PDE10A: variants seen among roughly 807,000 people sequenced by gnomAD.
PDE10A encodes cAMP and cAMP-inhibited cGMP 3',5'-cyclic phosphodiesterase 10A.
PDE10A carries 39 observed loss-of-function variants against 97.7 expected under a neutral mutation model. The observed-to-expected ratio is 0.40, with a 90% CI of 0.31 to 0.52. The LOEUF is 0.52. Ranked by LOEUF, PDE10A falls within the 20% of genes least tolerant of loss-of-function variation. The pLI is 0.56. For synonymous variants in PDE10A, 371 were observed against 376.8 expected, an observed-to-expected ratio of 0.98 and a Z score of 0.18; for missense variants, 731 against 1,047.8, an observed-to-expected ratio of 0.70 and a Z score of 4.17.
At position 165,864,645 on chromosome 6, in the gene PDE10A, G is replaced by A. The variant is rs564899002; in HGVS notation, c.-615+122884C>T. Among the ~76,000 whole-genome samples the A allele has an allele frequency of 7.2e-5, 11 of 152,202 alleles. No individual in the cohort carries two copies. In the Middle Eastern group the frequency reaches 0.01, roughly 141 times the overall value. On this transcript the variant is annotated intron_variant, in intron 1 of 19. Transcript: ENST00000366882. Reference sequence around the variant, plus strand: ...GAGTGAACCCCTCTTCACCTTCCTCGAAAGCTATTTGGCAAATCCCATCAA... The same window carrying A: ...GAGTGAACCCCTCTTCACCTTCCTCAAAAGCTATTTGGCAAATCCCATCAA...
chr6:165,794,135 T>C (rs201979467), intron 1 of PDE10A, among the ~76,000 whole-genome samples: 2 of 144,434 alleles, frequency 1.4e-5, no homozygotes, highest in Non-Finnish European at 3.1e-5. Context: ...ACACACACGC[T>C]CACACTCACT....
intron 2 of PDE10A, among the ~76,000 whole-genome samples, chr6:165,501,720 C>T (rs1453587389): frequency 6.6e-6 from 1 of 152,132 alleles, no homozygotes; most frequent in Non-Finnish European, 1.5e-5. Context: ...GAATTGTTAC[C>T]AATTTTCCCC....
chr6:165,621,824 C>A (rs778638045), intron 1 of PDE10A, among the ~76,000 whole-genome samples: 3 of 151,660 alleles, frequency 2.0e-5, no homozygotes, highest in African/African-American at 7.3e-5. Context: ...ATCCTTGGAA[C>A]AAAAGTTTCT....
At chr6:165,422,436 TACACACATACGCATATACACACACAGGC>T in intron 10 of PDE10A, among the ~76,000 whole-genome samples, 1 of 141,800 alleles carries the variant, frequency 7.1e-6, no homozygotes, top group South Asian at 2.3e-4. Context: ...CACATACGCA[TACACACATACGCATATACACACACAGGC>T]ATACACACAT....
At chr6:165,356,963 C>T (rs1375771977) in intron 18 of PDE10A, among the ~76,000 whole-genome samples, 7 of 152,118 alleles carry the variant, frequency 4.6e-5, no homozygotes, top group African/African-American at 2.4e-5. Flanking sequence ...TACTACAGAA[C>T]TAGACAGAGG....
intron 1 of PDE10A, among the ~76,000 whole-genome samples, chr6:165,677,122 T>A (rs1790820861): frequency 2.6e-5 from 4 of 152,224 alleles, no homozygotes; most frequent in Non-Finnish European, 1.5e-5. Context: ...TGTGAAGGCA[T>A]TTTGTAGATG....
At chr6:165,826,842 G>A (rs1176984425) in intron 1 of PDE10A, among the ~76,000 whole-genome samples, 4 of 152,084 alleles carry the variant, frequency 2.6e-5, no homozygotes, top group South Asian at 2.1e-4. Context: ...CTGGGGACAC[G>A]GAGGGACAGG....
intron 1 of PDE10A, among the ~76,000 whole-genome samples, chr6:165,933,871 G>C (rs1045603632): frequency 2.0e-5 from 3 of 152,308 alleles, no homozygotes; most frequent in Middle Eastern, 3.4e-3. Flanking sequence ...CGGCTGCTTT[G>C]ATGGGCACCT....
chr6:165,856,647 G>A (rs572372687), intron 1 of PDE10A, among the ~76,000 whole-genome samples: 5 of 152,228 alleles, frequency 3.3e-5, no homozygotes, highest in Admixed American at 6.5e-5. Flanking sequence ...TATTATACAC[G>A]TTGTTAGTTA....
chr6:165,772,782 A>G (rs1409557597), intron 1 of PDE10A, among the ~76,000 whole-genome samples: 1 of 152,200 alleles, frequency 6.6e-6, no homozygotes, highest in Non-Finnish European at 1.5e-5. Flanking sequence ...AGACAGAGTG[A>G]AAAATCCGAA....
intron 13 of PDE10A, among the ~76,000 whole-genome samples, chr6:165,403,552 A>G (rs921811230): frequency 2.0e-5 from 3 of 152,220 alleles, no homozygotes; most frequent in African/African-American, 4.8e-5. Context: ...TTGTTCTACT[A>G]TTATAAATTG....
chr6:165,734,952 AGATAGAT>A (rs1328242863), intron 1 of PDE10A, among the ~76,000 whole-genome samples: 33 of 60,918 alleles, frequency 5.4e-4, no homozygotes, highest in Admixed American at 4.4e-3. Context: ...ATAAGAAAGT[AGATAGAT>A]AGATAGATAG....
At chr6:165,831,495 T>TTTTTTTTTTTTA (rs1332838302) in intron 1 of PDE10A, among the ~76,000 whole-genome samples, 2 of 148,924 alleles carry the variant, frequency 1.3e-5, no homozygotes, top group African/African-American at 4.9e-5. Flanking sequence ...TTTTTTTATT[T>TTTTTTTTTTTTA]GAGACGGAGT....
chr6:165,566,594 C>G (rs1784789715), intron 1 of PDE10A, among the ~76,000 whole-genome samples: 1 of 152,144 alleles, frequency 6.6e-6, no homozygotes, highest in Admixed American at 6.5e-5. Context: ...CTCAATTACA[C>G]TGCGGAACAT....
intron 3 of PDE10A, among the ~76,000 whole-genome samples, chr6:165,457,430 C>T (rs1007841699): frequency 1.3e-5 from 2 of 152,130 alleles, no homozygotes; most frequent in African/African-American, 4.8e-5. Context: ...TCATGTAGTA[C>T]TTGCGTTTTA....
At chr6:165,380,593 C>T (rs1230618119) in intron 17 of PDE10A, among the ~76,000 whole-genome samples, 1 of 152,196 alleles carries the variant, frequency 6.6e-6, no homozygotes, top group East Asian at 1.9e-4. Context: ...GCTTACAAAG[C>T]ACTTTGAAAC....
At chr6:165,880,847 A>T (rs777367292) in intron 1 of PDE10A, among the ~76,000 whole-genome samples, 11 of 152,100 alleles carry the variant, frequency 7.2e-5, no homozygotes, top group Non-Finnish European at 1.5e-4. Flanking sequence ...GGAAAACCCA[A>T]AGCATTCTTT....
At chr6:165,344,075 G>A (rs1782147370) in intron 18 of PDE10A, among the ~76,000 whole-genome samples, 1 of 151,972 alleles carries the variant, frequency 6.6e-6, no homozygotes, top group Admixed American at 6.5e-5. Flanking sequence ...CTCATTAGCA[G>A]ATATTTCTTT....
At chr6:165,752,070 G>T (rs1273511748) in intron 1 of PDE10A, among the ~76,000 whole-genome samples, 1 of 150,976 alleles carries the variant, frequency 6.6e-6, no homozygotes, top group African/African-American at 2.4e-5. Flanking sequence ...GTGAACCCGG[G>T]AGCCGGAGCT....
Sources: gnomAD v4.1 joint callset for allele counts (sites outside exome capture counted in the v4.1 genomes callset) on GRCh38, gnomAD v4.1.1 for gene constraint, MANE v1.5 for transcripts, NCBI Gene and HGNC (gene_info 2026-07-23, HGNC 2026-07-21) for gene names.